The following ADAD1 variants were observed in gnomAD, a reference collection of about 807,000 sequenced individuals.
ADAD1 encodes adenosine deaminase domain-containing protein 1.
A neutral mutation model predicts 66.8 loss-of-function variants in ADAD1; 46 were observed. The ratio of observed to expected loss-of-function variants is 0.69; its 90% CI spans 0.54 to 0.88. The LOEUF is 0.88. ADAD1 is among the 40% of genes least tolerant of loss of function. The pLI is 0.00. For missense variants in ADAD1, 617 were observed against 681.8 expected, an observed-to-expected ratio of 0.91 and a Z score of 1.06; for synonymous variants, 248 against 229.4, an observed-to-expected ratio of 1.08 and a Z score of -0.73.
At chr4:122,408,639 C>T (rs989675051) in intron 8 of ADAD1, among the ~76,000 whole-genome samples, 2 of 152,108 alleles carry the variant, frequency 1.3e-5, no homozygotes, top group Non-Finnish European at 2.9e-5. Context: ...AATCCCAACA[C>T]TTTGGGAAGC....
At chr4:122,411,565 C>G (rs1580788024) in intron 9 of ADAD1, among the ~76,000 whole-genome samples, 173 bp downstream of exon 9, 1 of 152,128 alleles carries the variant, frequency 6.6e-6, no homozygotes, top group Non-Finnish European at 1.5e-5. Flanking sequence ...TCCCGTCAAT[C>G]TAATCTATTA....
intron 11 of ADAD1, among the ~76,000 whole-genome samples, chr4:122,419,077 G>A (rs573446860): frequency 1.1e-4 from 17 of 152,244 alleles, no homozygotes; most frequent in South Asian, 2.1e-4. Flanking sequence ...ACACTTGCAC[G>A]CATATGCTCA....
chr4:122,407,717 A>C (rs977539738), intron 7 of ADAD1, among the ~76,000 whole-genome samples, 191 bp from the exon 8 acceptor site: 1 of 152,238 alleles, frequency 6.6e-6, no homozygotes, highest in Non-Finnish European at 1.5e-5. Flanking sequence ...ATATTTCATT[A>C]TAAAACATCT....
chr4:122,417,227 T>C (rs1287243668), intron 11 of ADAD1, among the ~76,000 whole-genome samples: 1 of 151,572 alleles, frequency 6.6e-6, no homozygotes, highest in Non-Finnish European at 1.5e-5. Flanking sequence ...TCCCAGCTAC[T>C]TGGGAGGCTG....
chr4:122,404,473 G>A (rs570531162), intron 7 of ADAD1, among the ~76,000 whole-genome samples: 5 of 152,280 alleles, frequency 3.3e-5, no homozygotes, highest in East Asian at 1.9e-4. Flanking sequence ...TTCCCCAGTA[G>A]GGATGTGTGT....
At chr4:122,405,324 C>T (rs1290109990) in intron 7 of ADAD1, among the ~76,000 whole-genome samples, 1 of 152,222 alleles carries the variant, frequency 6.6e-6, no homozygotes, top group African/African-American at 2.4e-5. Context: ...CACCTTTCTA[C>T]TTAACCCAGT....
chr4:122,401,492 T>A (rs1795974914), intron 7 of ADAD1, among the ~76,000 whole-genome samples: 1 of 152,188 alleles, frequency 6.6e-6, no homozygotes, highest in South Asian at 2.1e-4. Flanking sequence ...TAGAATGTTC[T>A]GTAAATATCT....
At chr4:122,383,497 C>T (rs1187104521) in intron 4 of ADAD1, among the ~76,000 whole-genome samples, 5 of 152,078 alleles carry the variant, frequency 3.3e-5, no homozygotes, top group African/African-American at 1.2e-4. Context: ...GAGTGTTTAC[C>T]ATTGCCAGGC....
rs764676009 is a variant in ADAD1 at position 122,380,027 on chromosome 4, G to A, written c.-8-35G>A. On this transcript the variant is annotated intron_variant, in intron 2 of 12. Coordinates refer to ENST00000296513, the MANE Select transcript of ADAD1 (RefSeq NM_139243.4). ...ATATTTTCAGTTTACATAGCGTTTT[G>A]TCTTGTTTTCTGCCAATTTTATCGT... The A allele has an allele frequency of 8.3e-6, 13 of 1,572,358 alleles. No homozygotes were observed. In the South Asian group the frequency reaches 1.5e-4, roughly 18 times the overall value.
chr4:122,415,546 A>G lies in ADAD1; in HGVS notation c.1417A>G (p.Ser473Gly), dbSNP rs536443961. The G allele has an allele frequency of 5.1e-5, 83 of 1,613,820 alleles. No individual in the cohort carries two copies. Among genetic ancestry groups the G allele is most frequent in the Non-Finnish European group, 6.3e-5 (74 of 1,179,868 alleles). Residue 473 changes from serine (S) to glycine (G), a missense_variant, in exon 11 of 13, where the codon AGT becomes GGT. Ser to Gly is a moderately conservative substitution (Grantham distance 56). Transcript: ENST00000296513. ...AATGAACTTGGAATATAAATTTCTG[A>G]GTCTGAATTGGGCACAAGGAGATGT... ...LQMNLEYKFLSLNWAQGDVSL... is the reference protein window; with the variant it reads ...LQMNLEYKFLGLNWAQGDVSL...
At chr4:122,394,599 A>G (rs1390899501) in intron 6 of ADAD1, among the ~76,000 whole-genome samples, 1 of 152,194 alleles carries the variant, frequency 6.6e-6, no homozygotes, top group Non-Finnish European at 1.5e-5. Flanking sequence ...ACAAAAATCC[A>G]CCAATAGTTA....
chr4:122,399,218 G>C (rs940830441), intron 7 of ADAD1, among the ~76,000 whole-genome samples: 1 of 152,108 alleles, frequency 6.6e-6, no homozygotes, highest in Non-Finnish European at 1.5e-5. Flanking sequence ...ATCATTTGCT[G>C]AATAGGATGT....
At chr4:122,408,318 A>G (rs1796309431) in intron 8 of ADAD1, among the ~76,000 whole-genome samples, 1 of 152,194 alleles carries the variant, frequency 6.6e-6, no homozygotes, top group Non-Finnish European at 1.5e-5. Context: ...TTTGCTGCCC[A>G]GGCTGGAATA....
chr4:122,420,749 A>G (rs534238059), intron 11 of ADAD1, among the ~76,000 whole-genome samples: 1 of 152,316 alleles, frequency 6.6e-6, no homozygotes, highest in Admixed American at 6.5e-5. Flanking sequence ...CCCAAATTAC[A>G]CATCTACATG....
intron 7 of ADAD1, among the ~76,000 whole-genome samples, chr4:122,398,707 T>G (rs192431724): frequency 2.2e-3 from 340 of 152,286 alleles, no homozygotes; most frequent in Non-Finnish European, 3.7e-3. Flanking sequence ...GTGGTTTTGA[T>G]TTGCATTTCC....
chr4:122,414,282 G>GC (rs992619476), intron 10 of ADAD1, among the ~76,000 whole-genome samples: 2 of 123,056 alleles, frequency 1.6e-5, no homozygotes, highest in African/African-American at 5.9e-5. Context: ...TTTTGGGGGG[G>GC]GGGGTACAAC....
At chr4:122,406,401 A>C (rs1796213486) in intron 7 of ADAD1, among the ~76,000 whole-genome samples, 1 of 152,176 alleles carries the variant, frequency 6.6e-6, no homozygotes, top group Non-Finnish European at 1.5e-5. Context: ...TCCATTTTTA[A>C]ATCAAGTTAC....
chr4:122,398,021 G>A (rs1418942890), intron 7 of ADAD1, among the ~76,000 whole-genome samples: 1 of 152,060 alleles, frequency 6.6e-6, no homozygotes, highest in Non-Finnish European at 1.5e-5. Flanking sequence ...TAGTTTTGGG[G>A]GAATGGGTGG....
intron 3 of ADAD1, 127 bp from the exon 4 acceptor site, chr4:122,380,865 A>C (rs563255689): frequency 1.2e-6 from 1 of 860,606 alleles, no homozygotes; most frequent in East Asian, 2.8e-5. Flanking sequence ...GTTTAGTAGA[A>C]ACTTAAGAAA....
Sources: gnomAD v4.1 joint callset for allele counts (sites outside exome capture counted in the v4.1 genomes callset) on GRCh38, gnomAD v4.1.1 for gene constraint, MANE v1.5 for transcripts, NCBI Gene and HGNC (gene_info 2026-07-23, HGNC 2026-07-21) for gene names.